Variants in MYLK4 observed in about 807,000 individuals in gnomAD.
MYLK4 encodes myosin light chain kinase family member 4.
In MYLK4, 46 loss-of-function variants were observed where a neutral mutation model predicts 48.1. The observed-to-expected ratio is 0.96, with a 90% CI of 0.75 to 1.22. The LOEUF is 1.22. Among genes scored for constraint, MYLK4 ranks in the 50% most tolerant of loss-of-function variants. The pLI is 0.00. For synonymous variants in MYLK4, 170 were observed against 180.8 expected (o/e 0.94, Z 0.48); for missense variants, 451 against 486.1 (o/e 0.93, Z 0.68).
chr6:2,745,339 A>G (rs1764047601), intron 2 of MYLK4, among the ~76,000 whole-genome samples: 1 of 152,252 alleles, frequency 6.6e-6, no homozygotes, highest in Non-Finnish European at 1.5e-5. Flanking sequence ...CTGTACAAAA[A>G]TAATACTAAT....
intron 2 of MYLK4, among the ~76,000 whole-genome samples, chr6:2,717,622 T>C (rs1762915197): frequency 6.6e-6 from 1 of 152,266 alleles, no homozygotes; most frequent in Non-Finnish European, 1.5e-5. Flanking sequence ...TTTGAGATAG[T>C]GCACTAAGAC....
At chr6:2,749,584 A>G (rs1396926766) in intron 1 of MYLK4, among the ~76,000 whole-genome samples, 178 bp from the exon 2 acceptor site, 12 of 152,226 alleles carry the variant, frequency 7.9e-5, no homozygotes. Flanking sequence ...TTTAAAAGGA[A>G]AAAAAATTTT....
At chr6:2,749,777 A>G (rs1350061822) in intron 1 of MYLK4, among the ~76,000 whole-genome samples, 1 of 152,102 alleles carries the variant, frequency 6.6e-6, no homozygotes, top group Non-Finnish European at 1.5e-5. Flanking sequence ...AGGGCTTATC[A>G]CAGAAGGGGT....
At chr6:2,669,118 A>C (rs984450246) in intron 12 of MYLK4, among the ~76,000 whole-genome samples, 1 of 152,178 alleles carries the variant, frequency 6.6e-6, no homozygotes, top group Non-Finnish European at 1.5e-5. Flanking sequence ...GGAAGCATCC[A>C]GATTGTGTGT....
chr6:2,678,471 G>A, intron 9 of MYLK4, 99 bp from the exon 10 acceptor site: 2 of 1,311,850 alleles, frequency 1.5e-6, no homozygotes, highest in South Asian at 1.5e-5. Flanking sequence ...GGTGAGAGAA[G>A]GAAAATAACC....
Position 2,670,689 on chromosome 6 carries a change from C to T in MYLK4, c.*25+587G>A, listed in dbSNP as rs138917327. Among the ~76,000 whole-genome samples, 1,153 of 152,136 alleles carry T rather than the reference C, an allele frequency of 7.6e-3. 9 individuals are homozygous for T. Among genetic ancestry groups the T allele is most frequent in the African/African-American group, 0.026 (1,087 of 41,500 alleles). ...AAAACACCTGAGCTAGGTGGAGGTC[C>T]GCATGTGTCAGGGTGTATGGGAGGT... On this transcript the variant is annotated intron_variant, in intron 12 of 12. Coordinates refer to ENST00000274643, the MANE Select transcript of MYLK4 (RefSeq NM_001012418.5).
chr6:2,697,813 C>T (rs140967955), intron 2 of MYLK4, among the ~76,000 whole-genome samples: 20 of 152,328 alleles, frequency 1.3e-4, no homozygotes, highest in South Asian at 8.3e-4. Flanking sequence ...CGCTGGCATA[C>T]GGACCCTTCT....
chr6:2,751,251 T>C (rs1413825087), upstream of MYLK4, among the ~76,000 whole-genome samples: 1 of 152,188 alleles, frequency 6.6e-6, no homozygotes, highest in East Asian at 1.9e-4. Flanking sequence ...GTAGGGAAAA[T>C]GCCAGGTGTG....
chr6:2,685,382 G>A lies in MYLK4; in HGVS notation c.459C>T (p.Ser153=), dbSNP rs1216094215. The change falls in exon 6 of 13, where the codon AGC becomes AGT. Residue 153 remains serine, a synonymous_variant. Coordinates refer to ENST00000274643, the MANE Select transcript of MYLK4 (RefSeq NM_001012418.5). This position sits in a 1 kb window ranked among gnomAD's most constrained non-coding sequence, Gnocchi z 4.5. ...TCGCGTGGTCCAGCTGGTTCATGAC[G>A]CTGATCTCGTTCTTCACCTCCTCCT... ...KDKEEVKNEI[S]VMNQLDHANL... is the part of the protein sequence containing the mutation. 2.5e-6 allele frequency: 4 copies of A among 1,613,706 alleles called. No individual in the cohort carries two copies. The highest frequency in any genetic ancestry group is 2.2e-5 in the East Asian group (1 of 44,854).
the MYLK4 span, among the ~76,000 whole-genome samples, chr6:2,762,915 G>A: frequency 6.6e-6 from 1 of 152,206 alleles, no homozygotes; most frequent in African/African-American, 2.4e-5. Context: ...AGTCTCCACA[G>A]TGAGTATTAC....
chr6:2,679,324 T>C lies in MYLK4; in HGVS notation c.843A>G (p.Ser281=). ...APEVVNYDFV[S]FPTDMWSVGV... ...CCACACTCCACATGTCAGTGGGAAA[T>C]GAAACAAAATCATAGTTCACAACTT... The change falls in exon 9 of 13, where the codon TCA becomes TCG. Residue 281 remains serine (S), a synonymous_variant. Coordinates refer to ENST00000274643, the MANE Select transcript of MYLK4 (RefSeq NM_001012418.5). 6.2e-7 allele frequency: 1 copy of C among 1,614,022 alleles called. No individual in the cohort carries two copies. The highest frequency in any genetic ancestry group is 8.5e-7 in the Non-Finnish European group (1 of 1,179,990).
intron 9 of MYLK4, 86 bp from the exon 10 acceptor site, chr6:2,678,458 A>G: frequency 7.0e-7 from 1 of 1,430,942 alleles, no homozygotes; most frequent in Non-Finnish European, 9.5e-7. Context: ...TGTGCCATTT[A>G]AAGGTGAGAG....
chr6:2,686,812 A>G (rs545700749), intron 4 of MYLK4, among the ~76,000 whole-genome samples: 2 of 152,338 alleles, frequency 1.3e-5, no homozygotes, highest in South Asian at 2.1e-4. Context: ...TGCTCCAGAT[A>G]GAGTCTCTAT....
chr6:2,698,674 T>C (rs1343643258), intron 2 of MYLK4, among the ~76,000 whole-genome samples: 2 of 152,134 alleles, frequency 1.3e-5, no homozygotes, highest in African/African-American at 4.8e-5. Context: ...AATAAATAAA[T>C]CCTACAAGAA....
intron 11 of MYLK4, among the ~76,000 whole-genome samples, chr6:2,671,691 C>T (rs78174213): frequency 0.013 from 2,014 of 152,296 alleles, 50 homozygotes; most frequent in African/African-American, 0.046. Context: ...ACTGGGGCTA[C>T]GATGACTGCA....
chr6:2,691,642 C>T (rs1360258876), intron 3 of MYLK4, among the ~76,000 whole-genome samples: 4 of 152,112 alleles, frequency 2.6e-5, no homozygotes, highest in Admixed American at 1.3e-4. Context: ...TTATTTAATT[C>T]TTGTCCTTAG....
intron 7 of MYLK4, among the ~76,000 whole-genome samples, chr6:2,681,978 G>T (rs1171337365): frequency 2.0e-5 from 3 of 152,186 alleles, no homozygotes; most frequent in African/African-American, 7.2e-5. Flanking sequence ...TTTTGCTAAT[G>T]ATTTTTAGCC....
chr6:2,746,776 G>C (rs1272768919), intron 2 of MYLK4, among the ~76,000 whole-genome samples: 3 of 152,210 alleles, frequency 2.0e-5, no homozygotes, highest in Non-Finnish European at 4.4e-5. Flanking sequence ...GAAAAGCGTG[G>C]CATTTTAAAG....
At chr6:2,692,699 A>G (rs1761854651) in intron 3 of MYLK4, 85 bp downstream of exon 3, 2 of 1,176,310 alleles carry the variant, frequency 1.7e-6, no homozygotes, top group Non-Finnish European at 2.4e-6. Context: ...GGCTTTATGA[A>G]TGTGCAACTT....
Sources: allele counts gnomAD v4.1 joint callset (sites outside exome capture counted in the v4.1 genomes callset), GRCh38; gene constraint gnomAD v4.1.1; non-coding constraint Gnocchi (gnomAD v3.1); transcripts MANE v1.5; gene names NCBI Gene and HGNC (gene_info 2026-07-23, HGNC 2026-07-21).